Variants in KAZN observed in about 807,000 individuals in gnomAD.
KAZN encodes the protein kazrin, periplakin interacting protein.
Under a neutral mutation model 87.4 loss-of-function variants are expected in KAZN, and 40 were observed. The observed-to-expected ratio is 0.46, with a 90% CI of 0.36 to 0.60. The LOEUF is 0.60. Ranked by LOEUF, KAZN falls within the 20% of genes least tolerant of loss-of-function variation. The probability of loss-of-function intolerance (pLI) is 0.00; values close to 1 mark genes in which losing one functional copy is unlikely to be tolerated. For missense variants in KAZN, 898 were observed against 1,073.9 expected, an observed-to-expected ratio of 0.84 and a Z score of 2.29; for synonymous variants, 466 against 458.3, an observed-to-expected ratio of 1.02 and a Z score of -0.22.
chr1:14,574,530 T>C (rs1675062421), intron 2 of KAZN, among the ~76,000 whole-genome samples: 1 of 151,944 alleles, frequency 6.6e-6, no homozygotes, highest in African/African-American at 2.4e-5. Flanking sequence ...TTATTCTCTC[T>C]TGTCTGCCGC....
At chr1:14,736,323 A>G (rs1572357057) in intron 1 of KAZN, among the ~76,000 whole-genome samples, 2 of 122,070 alleles carry the variant, frequency 1.6e-5, no homozygotes, top group African/African-American at 3.2e-5. Context: ...TTTGAGACGG[A>G]GTTTTGCTCT....
chr1:13,900,350 C>A (rs1639204295), intron 1 of KAZN, among the ~76,000 whole-genome samples: 1 of 152,182 alleles, frequency 6.6e-6, no homozygotes. Context: ...CAATCCCTCA[C>A]CCTCAGCCCC....
At chr1:14,156,566 A>G (rs866574412) in intron 1 of KAZN, among the ~76,000 whole-genome samples, 4 of 152,226 alleles carry the variant, frequency 2.6e-5, no homozygotes, top group Non-Finnish European at 5.9e-5. Flanking sequence ...TTGTTGAAAT[A>G]ACCCATTTAT....
At chr1:14,854,431 A>G (rs901750573) in intron 1 of KAZN, among the ~76,000 whole-genome samples, 2 of 152,166 alleles carry the variant, frequency 1.3e-5, no homozygotes, top group African/African-American at 2.4e-5. Context: ...TATTTAGCTC[A>G]TGGTTTTGCA....
intron 1 of KAZN, among the ~76,000 whole-genome samples, chr1:14,641,393 G>A (rs1680395609): frequency 6.6e-6 from 1 of 152,164 alleles, no homozygotes; most frequent in South Asian, 2.1e-4. Context: ...AATAACAGTA[G>A]TCTAAGTAAA....
intron 2 of KAZN, among the ~76,000 whole-genome samples, chr1:14,442,683 G>T (rs1666768695): frequency 6.6e-6 from 1 of 152,154 alleles, no homozygotes; most frequent in Non-Finnish European, 1.5e-5. Flanking sequence ...GTGCCTAAGA[G>T]GAAAGAAGAC....
chr1:14,121,681 C>T (rs769517065), intron 1 of KAZN, among the ~76,000 whole-genome samples: 13 of 151,912 alleles, frequency 8.6e-5, no homozygotes, highest in Non-Finnish European at 1.5e-4. Context: ...TGTATGTGTG[C>T]GAAAAGATAG....
chr1:14,858,229 T>TTTTTTTTG (rs1352802605), intron 1 of KAZN, among the ~76,000 whole-genome samples: 1 of 146,536 alleles, frequency 6.8e-6, no homozygotes, highest in African/African-American at 2.6e-5. Flanking sequence ...TTTTTTTTTT[T>TTTTTTTTG]TGAGACAAAG....
At chr1:13,928,454 G>A (rs898982328) in intron 1 of KAZN, among the ~76,000 whole-genome samples, 1 of 152,048 alleles carries the variant, frequency 6.6e-6, no homozygotes, top group Non-Finnish European at 1.5e-5. Flanking sequence ...GCTTAGAAAG[G>A]GTAAGTGACT....
At chr1:14,670,157 C>T (rs1316339659) in intron 1 of KAZN, among the ~76,000 whole-genome samples, 2 of 151,604 alleles carry the variant, frequency 1.3e-5, no homozygotes, top group Non-Finnish European at 1.5e-5. Flanking sequence ...TCCCTTCTTC[C>T]ATCCTGCTTT....
intron 2 of KAZN, among the ~76,000 whole-genome samples, chr1:15,010,204 T>A (rs953194437): frequency 6.6e-6 from 1 of 152,228 alleles, no homozygotes; most frequent in African/African-American, 2.4e-5. Context: ...TGGAGTTTGC[T>A]AATTGCATCC....
At chr1:14,979,950 G>A (rs1433443713) in intron 2 of KAZN, among the ~76,000 whole-genome samples, 3 of 152,086 alleles carry the variant, frequency 2.0e-5, no homozygotes, top group East Asian at 1.9e-4. Context: ...GTATAGTGGC[G>A]CAGTCTCGGC....
At chr1:14,691,948 T>A (rs1170456677) in intron 1 of KAZN, among the ~76,000 whole-genome samples, 1 of 150,668 alleles carries the variant, frequency 6.6e-6, no homozygotes, top group Non-Finnish European at 1.5e-5. Context: ...TTTTTTACGA[T>A]GAATTCATTT....
intron 2 of KAZN, among the ~76,000 whole-genome samples, chr1:14,294,833 A>C (rs889897364): frequency 6.6e-6 from 1 of 151,160 alleles, no homozygotes; most frequent in African/African-American, 2.4e-5. Flanking sequence ...TTCTTTACCA[A>C]CTCTAGAGTG....
At chr1:14,540,552 C>A (rs928097263) in intron 2 of KAZN, among the ~76,000 whole-genome samples, 1 of 152,136 alleles carries the variant, frequency 6.6e-6, no homozygotes, top group Non-Finnish European at 1.5e-5. Context: ...GTGTCCAGTG[C>A]AGCCCACTCT....
At chr1:13,941,444 T>C (rs190380779) in intron 1 of KAZN, among the ~76,000 whole-genome samples, 91 of 152,262 alleles carry the variant, frequency 6.0e-4, no homozygotes, top group Non-Finnish European at 1.3e-4. Flanking sequence ...GACTCACATT[T>C]AGGTTGGACA....
intron 2 of KAZN, among the ~76,000 whole-genome samples, chr1:14,548,883 C>T (rs538107962): frequency 1.3e-5 from 2 of 152,342 alleles, no homozygotes; most frequent in Admixed American, 1.3e-4. Context: ...CCTTTTATCT[C>T]TATGCTATTG....
At chr1:14,725,684 A>C (rs2100321582) in intron 1 of KAZN, among the ~76,000 whole-genome samples, 1 of 152,272 alleles carries the variant, frequency 6.6e-6, no homozygotes, top group Non-Finnish European at 1.5e-5. Context: ...CAAACTCAGA[A>C]CCCCAGAGTC....
At chr1:14,258,750 G>C (rs953832463) in intron 2 of KAZN, among the ~76,000 whole-genome samples, 1 of 152,182 alleles carries the variant, frequency 6.6e-6, no homozygotes, top group Admixed American at 6.5e-5. Context: ...CTACCTGTCT[G>C]TCAAGCCTCT....
Sources: gnomAD v4.1 joint callset for allele counts (sites outside exome capture counted in the v4.1 genomes callset) on GRCh38, gnomAD v4.1.1 for gene constraint, MANE v1.5 for transcripts, NCBI Gene and HGNC (gene_info 2026-07-23, HGNC 2026-07-21) for gene names.